PARN: variants seen among roughly 807,000 people sequenced by gnomAD.
PARN encodes the protein poly(A)-specific ribonuclease, also known as poly(A)-specific ribonuclease PARN.
PARN carries 71 observed loss-of-function variants against 102.8 expected under a neutral mutation model. The observed-to-expected ratio is 0.69, with a 90% CI of 0.57 to 0.84. The LOEUF (loss-of-function observed/expected upper bound fraction) is 0.84, where lower values mean the gene tolerates loss of function less well. Among genes scored for constraint, PARN ranks in the 40% least tolerant of loss-of-function variants. PARN has a pLI of 0.00. For missense variants in PARN, 782 were observed against 760.9 expected (o/e 1.03, Z -0.33); for synonymous variants, 261 against 252.9 (o/e 1.03, Z -0.30).
At chr16:14,604,269 T>C (rs1295216022) in intron 10 of PARN, 43 bp from the exon 11 acceptor site, 7 of 1,189,332 alleles carry the variant, frequency 5.9e-6, no homozygotes, top group Non-Finnish European at 8.3e-6. Context: ...TTTCTTTTTC[T>C]TTTTTTTTGA....
At chr16:14,594,372 T>C (rs1031442047) in intron 12 of PARN, among the ~76,000 whole-genome samples, 2 of 152,142 alleles carry the variant, frequency 1.3e-5, no homozygotes, top group Admixed American at 6.6e-5. Flanking sequence ...ATTTCCAAAA[T>C]GGAACATAAA....
intron 14 of PARN, among the ~76,000 whole-genome samples, chr16:14,586,042 C>T (rs1969834670): frequency 6.8e-6 from 1 of 146,176 alleles, no homozygotes; most frequent in African/African-American, 2.5e-5. Flanking sequence ...GATAGTAGCA[C>T]TATTATGGCT....
intron 5 of PARN, among the ~76,000 whole-genome samples, chr16:14,623,850 A>AG (rs1425265939): frequency 6.6e-6 from 1 of 151,950 alleles, no homozygotes; most frequent in Non-Finnish European, 1.5e-5. Context: ...AAAAAAAAAA[A>AG]GAAAAGAAAC....
intron 22 of PARN, among the ~76,000 whole-genome samples, chr16:14,468,490 C>T (rs1263105393): frequency 6.6e-6 from 1 of 151,990 alleles, no homozygotes; most frequent in African/African-American, 2.4e-5. Context: ...TAAGGAGGCA[C>T]AAGGAGCAAG....
At chr16:14,610,055 A>T (rs1369268284) in intron 7 of PARN, among the ~76,000 whole-genome samples, 1 of 151,204 alleles carries the variant, frequency 6.6e-6, no homozygotes, top group African/African-American at 2.5e-5. Flanking sequence ...TATTAAAAAA[A>T]ATAAAATAAA....
At chr16:14,585,432 T>TGAAA (rs1435668199) in intron 14 of PARN, among the ~76,000 whole-genome samples, 1 of 149,322 alleles carries the variant, frequency 6.7e-6, no homozygotes. Flanking sequence ...TAAGCCCAGC[T>TGAAA]GAAAGAGAAA....
intron 12 of PARN, among the ~76,000 whole-genome samples, chr16:14,596,411 T>C (rs757454950): frequency 3.3e-5 from 5 of 151,246 alleles, no homozygotes; most frequent in Non-Finnish European, 5.9e-5. Flanking sequence ...AATCCCTGAG[T>C]CCATACATAT....
chr16:14,609,066 T>G lies in PARN; in HGVS notation c.612A>C (p.Pro204=). ...TGTTCAGGACAACTAACCCGGTACA[T>G]GGCTCTAAATCCAAGTTCTTGTTTT... ...SEENKNLDLE[P]CTGFQRKLIY... The change falls in exon 8 of 24, where the codon CCA becomes CCC. Residue 204 remains proline, a synonymous_variant. Coordinates refer to ENST00000437198, the MANE Select transcript of PARN (RefSeq NM_002582.4). The G allele has an allele frequency of 6.4e-7, 1 of 1,573,154 alleles. No individual in the cohort carries two copies. Among genetic ancestry groups the G allele is most frequent in the Non-Finnish European group, 8.7e-7 (1 of 1,148,304 alleles).
chr16:14,441,400 T>C (rs745817304), intron 23 of PARN, among the ~76,000 whole-genome samples: 2 of 152,212 alleles, frequency 1.3e-5, no homozygotes, highest in Non-Finnish European at 2.9e-5. Flanking sequence ...GGGTAAGGCA[T>C]TGCTTTTTCC....
chr16:14,628,052 T>A, intron 3 of PARN, 120 bp downstream of exon 3: 1 of 694,874 alleles, frequency 1.4e-6, no homozygotes, highest in African/African-American at 1.8e-5. Context: ...ATGGCTAGGT[T>A]TGAGGAGAAA....
chr16:14,625,491 T>C (rs1248775413), intron 5 of PARN, among the ~76,000 whole-genome samples: 1 of 151,974 alleles, frequency 6.6e-6, no homozygotes, highest in Non-Finnish European at 1.5e-5. Context: ...GAGCGAAACT[T>C]CATCTCAAGA....
chr16:14,519,906 A>T (rs1241969943), intron 21 of PARN, among the ~76,000 whole-genome samples: 1 of 152,234 alleles, frequency 6.6e-6, no homozygotes, highest in Admixed American at 6.5e-5. Context: ...CTCTAATGAA[A>T]TAATGGATCT....
At chr16:14,594,418 C>G (rs969649492) in intron 12 of PARN, among the ~76,000 whole-genome samples, 1 of 152,050 alleles carries the variant, frequency 6.6e-6, no homozygotes, top group African/African-American at 2.4e-5. Context: ...CCATTTTTAA[C>G]ATAAAACATC....
At chr16:14,519,225 C>T (rs1201142279) in intron 21 of PARN, among the ~76,000 whole-genome samples, 1 of 146,804 alleles carries the variant, frequency 6.8e-6, no homozygotes, top group African/African-American at 2.5e-5. Context: ...AGTTTGAACT[C>T]ATGATGTATT....
intron 1 of PARN, 78 bp downstream of exon 1, chr16:14,630,029 C>G: frequency 7.5e-7 from 1 of 1,335,694 alleles, no homozygotes; most frequent in Non-Finnish European, 1.1e-6. Flanking sequence ...CAGCCAAACA[C>G]GCCGGCCATG....
chr16:14,550,674 A>G (rs1022959355), intron 21 of PARN, among the ~76,000 whole-genome samples: 5 of 152,240 alleles, frequency 3.3e-5, no homozygotes, highest in Admixed American at 2.0e-4. Context: ...ATTTTCATAT[A>G]TAATTACTCA....
intron 5 of PARN, among the ~76,000 whole-genome samples, chr16:14,626,123 C>G (rs867563140): frequency 6.6e-6 from 1 of 152,056 alleles, no homozygotes; most frequent in Non-Finnish European, 1.5e-5. Flanking sequence ...TTTTCTACCC[C>G]CCTTTCCTAA....
intron 18 of PARN, among the ~76,000 whole-genome samples, chr16:14,563,432 C>T (rs1411173319): frequency 6.6e-6 from 1 of 151,664 alleles, no homozygotes; most frequent in Non-Finnish European, 1.5e-5. Context: ...TGAAGGCTGT[C>T]TACATGATGC....
At chr16:14,617,505 A>G (rs1206471111) in intron 6 of PARN, 85 bp downstream of exon 6, 4 of 773,056 alleles carry the variant, frequency 5.2e-6, no homozygotes, top group Middle Eastern at 3.3e-4. Flanking sequence ...GCACAAAATA[A>G]TAATTCTCAA....
Sources: allele counts gnomAD v4.1 joint callset (sites outside exome capture counted in the v4.1 genomes callset), GRCh38; gene constraint gnomAD v4.1.1; transcripts MANE v1.5; gene names NCBI Gene and HGNC (gene_info 2026-07-23, HGNC 2026-07-21).